The following GRIP1 variants were observed in gnomAD, a reference collection of about 807,000 sequenced individuals.
The protein encoded by GRIP1 is glutamate receptor-interacting protein 1.
A neutral mutation model predicts 129.9 loss-of-function variants in GRIP1; 45 were observed. The ratio of observed to expected loss-of-function variants is 0.35; its 90% CI spans 0.27 to 0.44. GRIP1 has a LOEUF of 0.44. Among genes scored for constraint, GRIP1 ranks in the 20% least tolerant of loss-of-function variants. The pLI is 1.00. For missense variants in GRIP1, 1,196 were observed against 1,396.8 expected, an observed-to-expected ratio of 0.86 and a Z score of 2.29; for synonymous variants, 530 against 520.8, an observed-to-expected ratio of 1.02 and a Z score of -0.24.
At chr12:66,624,032 T>C (rs1449210935) in intron 1 of GRIP1, among the ~76,000 whole-genome samples, 1 of 152,206 alleles carries the variant, frequency 6.6e-6, no homozygotes, top group Non-Finnish European at 1.5e-5. Flanking sequence ...TGTTCATATA[T>C]TTATTCAGTA....
intron 13 of GRIP1, among the ~76,000 whole-genome samples, chr12:66,443,091 A>G (rs1252824601): frequency 6.6e-6 from 1 of 152,058 alleles, no homozygotes; most frequent in African/African-American, 2.4e-5. Context: ...TGTGAAGACA[A>G]TTTTCTTAAA....
At chr12:66,398,467 T>C (rs891434426) in intron 16 of GRIP1, among the ~76,000 whole-genome samples, 3 of 151,890 alleles carry the variant, frequency 2.0e-5, no homozygotes. Flanking sequence ...TTACTCCCTA[T>C]GCACAAACAC....
chr12:66,479,800 C>G (rs569855184), intron 7 of GRIP1, among the ~76,000 whole-genome samples: 35 of 152,282 alleles, frequency 2.3e-4, no homozygotes, highest in African/African-American at 8.2e-4. Flanking sequence ...ATCACATAAA[C>G]AGAACCAATG....
chr12:66,870,452 G>A (rs1329104832), intron 1 of GRIP1, among the ~76,000 whole-genome samples: 1 of 152,082 alleles, frequency 6.6e-6, no homozygotes, highest in Non-Finnish European at 1.5e-5. Context: ...GAGCAATGCT[G>A]TTTCTCCACA....
intron 5 of GRIP1, among the ~76,000 whole-genome samples, chr12:66,520,901 G>A (rs546793213): frequency 2.6e-5 from 4 of 152,232 alleles, no homozygotes; most frequent in South Asian, 2.1e-4. Context: ...GAACCTTCTC[G>A]TTCAGATCTG....
At chr12:66,692,342 T>A (rs2035009758) in intron 1 of GRIP1, among the ~76,000 whole-genome samples, 1 of 152,222 alleles carries the variant, frequency 6.6e-6, no homozygotes, top group South Asian at 2.1e-4. Flanking sequence ...GAAGTTCAAA[T>A]GAAACAGAAA....
intron 16 of GRIP1, among the ~76,000 whole-genome samples, chr12:66,400,053 A>G (rs890374183): frequency 1.3e-5 from 2 of 151,978 alleles, no homozygotes; most frequent in African/African-American, 4.9e-5. Flanking sequence ...TTAAGTCTCA[A>G]AACTAGGTTT....
At chr12:66,944,144 G>A (rs948413951) in intron 1 of GRIP1, among the ~76,000 whole-genome samples, 2 of 152,144 alleles carry the variant, frequency 1.3e-5, no homozygotes, top group African/African-American at 4.8e-5. Context: ...GACTTTCAGA[G>A]GTTGCTGTGT....
chr12:66,479,551 T>G (rs12322827), intron 7 of GRIP1, among the ~76,000 whole-genome samples: 52,787 of 152,008 alleles, frequency 0.35, 9,648 homozygotes, highest in Non-Finnish European at 0.41. Context: ...AAAGAGGGAC[T>G]CCTCCCTAAC....
At chr12:66,774,482 A>C (rs1309563074) in intron 1 of GRIP1, among the ~76,000 whole-genome samples, 1 of 152,240 alleles carries the variant, frequency 6.6e-6, no homozygotes, top group Non-Finnish European at 1.5e-5. Context: ...AAAATCCAAA[A>C]GAATGGAATG....
In GRIP1 at chr12:67,052,381, T is replaced by C. The variant is rs75882916; in HGVS notation, c.58+16669A>G. On this transcript the variant is annotated intron_variant, in intron 1 of 1. Transcript: ENST00000643019. ...TGTATAGGATCTTGTAATTACTACA[T>C]TATTGTCTAAATTTTACTATTCTAT... Among the ~76,000 whole-genome samples the C allele has an allele frequency of 1.7e-3, 253 of 152,296 alleles. 1 individual carries two copies. The highest frequency in any genetic ancestry group is 6.0e-3 in the African/African-American group (249 of 41,562).
chr12:66,817,597 C>T (rs1428259766), intron 1 of GRIP1, among the ~76,000 whole-genome samples: 2 of 151,816 alleles, frequency 1.3e-5, no homozygotes, highest in Admixed American at 6.6e-5. Context: ...TTAGTAGAGA[C>T]GGGGTTTCAC....
At chr12:66,808,579 G>A (rs1178592251), upstream of GRIP1, among the ~76,000 whole-genome samples, 8 of 151,746 alleles carry the variant, frequency 5.3e-5, no homozygotes, top group African/African-American at 1.7e-4. Context: ...TTAAAAGCAT[G>A]AGCCACTGTT....
chr12:66,628,118 C>A (rs1291267112), intron 1 of GRIP1, among the ~76,000 whole-genome samples: 5 of 152,160 alleles, frequency 3.3e-5, no homozygotes, highest in South Asian at 2.1e-4. Flanking sequence ...AAAGCCATAG[C>A]CACCTGGCAC....
At chr12:66,460,026 A>G (rs2059087851) in intron 9 of GRIP1, among the ~76,000 whole-genome samples, 1 of 152,196 alleles carries the variant, frequency 6.6e-6, no homozygotes, top group South Asian at 2.1e-4. Context: ...AGCTCAGACA[A>G]TGTTCACAAT....
intron 7 of GRIP1, among the ~76,000 whole-genome samples, chr12:66,488,946 CAAT>C (rs1240245228): frequency 1.3e-5 from 2 of 152,078 alleles, no homozygotes; most frequent in East Asian, 3.8e-4. Flanking sequence ...CTGAATAGAC[CAAT>C]AACAAGTTCT....
chr12:66,938,791 C>T (rs12311298), intron 1 of GRIP1, among the ~76,000 whole-genome samples: 4,414 of 151,918 alleles, frequency 0.029, 207 homozygotes, highest in African/African-American at 0.091. Context: ...ACCCCATCTC[C>T]ACTAAAAATA....
intron 1 of GRIP1, among the ~76,000 whole-genome samples, chr12:66,792,063 T>C (rs1817476252): frequency 6.6e-6 from 1 of 152,078 alleles, no homozygotes. Context: ...TATGAAACTT[T>C]TGAGGAGAAA....
chr12:66,472,261 C>T (rs568743650), intron 7 of GRIP1, among the ~76,000 whole-genome samples: 1 of 152,268 alleles, frequency 6.6e-6, no homozygotes, highest in South Asian at 2.1e-4. Context: ...ATATGCCATG[C>T]ACATTGAAAG....
Sources: allele counts gnomAD v4.1 joint callset (sites outside exome capture counted in the v4.1 genomes callset), GRCh38; gene constraint gnomAD v4.1.1; transcripts MANE v1.5; gene names NCBI Gene and HGNC (gene_info 2026-07-23, HGNC 2026-07-21).